GHR: variants seen among roughly 807,000 people sequenced by gnomAD.
GHR encodes the protein growth hormone receptor.
Under a neutral mutation model 67.1 loss-of-function variants are expected in GHR, and 35 were observed. That is an observed-to-expected ratio of 0.52 (90% CI 0.40 to 0.69). GHR has a LOEUF of 0.69. GHR is among the 30% of genes least tolerant of loss of function. GHR has a pLI of 0.00. For synonymous variants in GHR, 272 were observed against 269.1 expected (o/e 1.01, Z -0.10); for missense variants, 792 against 764.6 (o/e 1.04, Z -0.42).
chr5:42,512,743 C>T (rs73083481), intron 1 of GHR, among the ~76,000 whole-genome samples: 188 of 152,202 alleles, frequency 1.2e-3, no homozygotes, highest in African/African-American at 4.3e-3. Flanking sequence ...CTATTGAAAA[C>T]TAACTTTACA....
intron 1 of GHR, among the ~76,000 whole-genome samples, chr5:42,509,792 G>A (rs1283422830): frequency 4.6e-5 from 7 of 151,334 alleles, no homozygotes; most frequent in African/African-American, 1.7e-4. Context: ...AGGAATCCAG[G>A]CTTTAACGCT....
intron 3 of GHR, among the ~76,000 whole-genome samples, chr5:42,635,251 T>C (rs1016764912): frequency 6.6e-6 from 1 of 152,194 alleles, no homozygotes; most frequent in Non-Finnish European, 1.5e-5. Flanking sequence ...AATCTCCAGA[T>C]AACACCAAGC....
chr5:42,495,059 C>T (rs2112210005), intron 1 of GHR, among the ~76,000 whole-genome samples: 1 of 104,314 alleles, frequency 9.6e-6, no homozygotes, highest in Middle Eastern at 5.1e-3. Flanking sequence ...AACTAAGTGA[C>T]ACATTGCCAA....
intron 3 of GHR, among the ~76,000 whole-genome samples, chr5:42,670,955 C>T (rs781268371): frequency 1.3e-3 from 194 of 149,288 alleles, no homozygotes; most frequent in Non-Finnish European, 2.5e-3. Context: ...TGATTTAAAA[C>T]CTGGCAAAGA....
At chr5:42,586,843 T>TA (rs1284578821) in intron 2 of GHR, among the ~76,000 whole-genome samples, 6 of 151,952 alleles carry the variant, frequency 3.9e-5, no homozygotes, top group Non-Finnish European at 7.4e-5. Context: ...AATTTAGGAC[T>TA]AAAAAAAGCC....
At chr5:42,479,455 G>A (rs1745506587) in intron 1 of GHR, among the ~76,000 whole-genome samples, 1 of 152,200 alleles carries the variant, frequency 6.6e-6, no homozygotes, top group Non-Finnish European at 1.5e-5. Flanking sequence ...GTTTCAGAAG[G>A]AATGGTACCA....
At chr5:42,462,890 G>T (rs977175599) in intron 1 of GHR, among the ~76,000 whole-genome samples, 1 of 151,930 alleles carries the variant, frequency 6.6e-6, no homozygotes, top group African/African-American at 2.4e-5. Flanking sequence ...ATTATATTAA[G>T]ATCTGAATGG....
intron 4 of GHR, among the ~76,000 whole-genome samples, chr5:42,689,823 A>G (rs1468637311): frequency 6.6e-6 from 1 of 152,216 alleles, no homozygotes; most frequent in African/African-American, 2.4e-5. Flanking sequence ...ATATGCTTTA[A>G]AAGATGTAGC....
rs749019259 is a variant in GHR at position 42,718,687 on chromosome 5, A to G, written c.1180A>G (p.Ile394Val). The change falls in exon 10 of 10, where the codon ATT becomes GTT. Residue 394 changes from isoleucine to valine, a missense_variant. Transcript: ENST00000230882. ...ACGTACCAGCTGTTGTGAACCTGAC[A>G]TTCTGGAGACTGATTTCAATGCCAA... ...SGRTSCCEPD[I>V]LETDFNANDI... The G allele has an allele frequency of 6.2e-7, 1 of 1,614,222 alleles. No homozygotes were observed. The highest frequency in any genetic ancestry group is 2.2e-5 in the East Asian group (1 of 44,888).
At chr5:42,469,965 C>T (rs1022682480) in intron 1 of GHR, among the ~76,000 whole-genome samples, 2 of 151,384 alleles carry the variant, frequency 1.3e-5, no homozygotes, top group Non-Finnish European at 2.9e-5. Context: ...TTAAGTCTCA[C>T]CTCCTAAATG....
chr5:42,696,416 A>T (rs1324368345), intron 5 of GHR, among the ~76,000 whole-genome samples: 3 of 152,240 alleles, frequency 2.0e-5, no homozygotes, highest in African/African-American at 7.2e-5. Context: ...AGATGGTGAC[A>T]GTTTAGTTAC....
At chr5:42,700,276 T>C (rs555870648) in intron 6 of GHR, among the ~76,000 whole-genome samples, 36 of 152,320 alleles carry the variant, frequency 2.4e-4, no homozygotes, top group Admixed American at 7.8e-4. Flanking sequence ...AGAGCAAAAT[T>C]ATAGACTGGC....
At chr5:42,670,336 A>G (rs896059831) in intron 3 of GHR, among the ~76,000 whole-genome samples, 6 of 152,204 alleles carry the variant, frequency 3.9e-5, no homozygotes, top group African/African-American at 1.4e-4. Context: ...GAATGAAATT[A>G]GATCCTTATC....
intron 3 of GHR, among the ~76,000 whole-genome samples, chr5:42,674,820 T>A (rs942530641): frequency 4.6e-5 from 7 of 152,162 alleles, no homozygotes; most frequent in Non-Finnish European, 8.8e-5. Flanking sequence ...TTCTTGCACA[T>A]GTTTTTGTGT....
At chr5:42,474,257 C>CAGAA (rs202146050) in intron 1 of GHR, among the ~76,000 whole-genome samples, 11,410 of 88,048 alleles carry the variant, frequency 0.13, 804 homozygotes, top group African/African-American at 0.17. Flanking sequence ...GAAAGACAGA[C>CAGAA]AGAAAGAAAG....
At chr5:42,455,034 T>A (rs1744203129) in intron 1 of GHR, among the ~76,000 whole-genome samples, 1 of 152,192 alleles carries the variant, frequency 6.6e-6, no homozygotes, top group East Asian at 1.9e-4. Flanking sequence ...TCCCTGGGTT[T>A]GAGCTGGAGA....
chr5:42,577,859 C>A (rs1750844720), intron 2 of GHR, among the ~76,000 whole-genome samples: 1 of 152,124 alleles, frequency 6.6e-6, no homozygotes, highest in Admixed American at 6.6e-5. Flanking sequence ...ACTTGCTGTT[C>A]CTCTGTTTGT....
chr5:42,612,484 TG>T (rs1752937550), intron 2 of GHR, among the ~76,000 whole-genome samples: 2 of 152,262 alleles, frequency 1.3e-5, no homozygotes, highest in South Asian at 2.1e-4. Context: ...ATTTAACTGT[TG>T]TTTTTTTTAA....
chr5:42,679,557 G>A (rs1238278518), intron 3 of GHR, among the ~76,000 whole-genome samples: 2 of 151,972 alleles, frequency 1.3e-5, no homozygotes, highest in African/African-American at 4.8e-5. Flanking sequence ...CCCAGGAGGT[G>A]GAGGTTGCAG....
Sources: gnomAD v4.1 joint callset for allele counts (sites outside exome capture counted in the v4.1 genomes callset) on GRCh38, gnomAD v4.1.1 for gene constraint, MANE v1.5 for transcripts, NCBI Gene and HGNC (gene_info 2026-07-23, HGNC 2026-07-21) for gene names.